PDZD2: variants seen among roughly 807,000 people sequenced by gnomAD.
The protein encoded by PDZD2 is PDZ domain-containing protein 2.
A neutral mutation model predicts 220.7 loss-of-function variants in PDZD2; 90 were observed. That is an observed-to-expected ratio of 0.41 (90% CI 0.34 to 0.49). PDZD2 has a LOEUF of 0.49. Among genes scored for constraint, PDZD2 ranks in the 20% least tolerant of loss-of-function variants. The probability of loss-of-function intolerance (pLI) is 0.28; values close to 1 mark genes in which losing one functional copy is unlikely to be tolerated. For missense variants in PDZD2, 3,174 were observed against 3,608.5 expected (o/e 0.88, Z 3.08); for synonymous variants, 1,375 against 1,450.5 (o/e 0.95, Z 1.18).
chr5:31,908,509 TC>T, intron 2 of PDZD2: 1 of 1,062,744 alleles, frequency 9.4e-7, no homozygotes, highest in Non-Finnish European at 1.4e-6. Context: ...TGGAAATGCC[TC>T]CGCTGAAGGC....
intron 2 of PDZD2, among the ~76,000 whole-genome samples, chr5:31,946,377 A>G (rs1207474307): frequency 6.6e-6 from 1 of 152,154 alleles, no homozygotes; most frequent in Non-Finnish European, 1.5e-5. Context: ...CCCAAAATCT[A>G]TTGTGTGAAC....
At chr5:31,725,796 A>G (rs1445710809) in intron 1 of PDZD2, 4 of 951,378 alleles carry the variant, frequency 4.2e-6, no homozygotes, top group Non-Finnish European at 1.7e-6. Flanking sequence ...TTGGATTTAG[A>G]TCTTGAAAAA....
At chr5:32,096,952 C>A (rs1743772371) in intron 21 of PDZD2, among the ~76,000 whole-genome samples, 1 of 151,452 alleles carries the variant, frequency 6.6e-6, no homozygotes, top group Admixed American at 6.6e-5. Flanking sequence ...CCTCCCACCT[C>A]AGCCTCTTGA....
In PDZD2 at chr5:32,071,923, A is replaced by G. The variant is rs577208428; in HGVS notation, c.2569-238A>G. Among the ~76,000 whole-genome samples, 27 of 152,322 alleles carry G rather than the reference A, an allele frequency of 1.8e-4. No homozygotes were observed. The East Asian group carries it at 4.8e-3, about 27-fold the overall frequency. ...GCTGTGGCTTTTCCGATCATTGCCA[A>G]AAATTTAGCCAAAAACAAAAAGTCT... On this transcript the variant is annotated intron_variant, in intron 16 of 24. Coordinates refer to ENST00000438447, the MANE Select transcript of PDZD2 (RefSeq NM_178140.4).
At chr5:31,879,105 G>T (rs1189456356) in intron 2 of PDZD2, among the ~76,000 whole-genome samples, 1 of 150,960 alleles carries the variant, frequency 6.6e-6, no homozygotes, top group East Asian at 2.0e-4. Flanking sequence ...GACGTTTCTC[G>T]GGCCGGGCAC....
chr5:31,719,487 C>T (rs1394386460), intron 1 of PDZD2, among the ~76,000 whole-genome samples: 2 of 152,170 alleles, frequency 1.3e-5, no homozygotes, highest in African/African-American at 4.8e-5. Flanking sequence ...TTCTGAGTGA[C>T]AGCTTGAAAC....
intron 1 of PDZD2, among the ~76,000 whole-genome samples, chr5:31,716,776 C>G (rs965387224): frequency 1.3e-5 from 2 of 152,110 alleles, no homozygotes; most frequent in Non-Finnish European, 2.9e-5. Flanking sequence ...GCACTCCAGG[C>G]TGGGTGACAG....
intron 2 of PDZD2, among the ~76,000 whole-genome samples, chr5:31,882,065 T>C (rs545421967): frequency 1.3e-5 from 2 of 152,326 alleles, no homozygotes; most frequent in East Asian, 3.9e-4. Flanking sequence ...CATCCCGTTA[T>C]TCTGGGTGTG....
chr5:31,799,551 G>A lies in PDZD2; in HGVS notation c.303G>A (p.Arg101=), dbSNP rs570880377. The A allele has an allele frequency of 2.2e-5, 35 of 1,614,006 alleles. 2 individuals are homozygous for A. In the South Asian group the frequency reaches 3.3e-4, roughly 15 times the overall value. Residue 101 remains arginine (R), a synonymous_variant, in exon 2 of 25, where the codon AGG becomes AGA. Transcript: ENST00000438447. ...TCGGGGACTATGGTGAAAAGCGCAGGGGGGGCAAGAAGAGGAAAACCCACC... is the reference window on the plus strand; with the variant it reads ...TCGGGGACTATGGTGAAAAGCGCAGAGGGGGCAAGAAGAGGAAAACCCACC... ...PVFGDYGEKR[R]GGKKRKTHQG... is the part of the protein sequence containing the mutation.
intron 6 of PDZD2, among the ~76,000 whole-genome samples, chr5:32,019,057 T>G (rs554640243): frequency 6.6e-6 from 1 of 151,894 alleles, no homozygotes; most frequent in South Asian, 2.1e-4. Flanking sequence ...CTGTTCCAAC[T>G]GGCTACCTGG....
At chr5:32,061,651 A>G (rs1328034795) in intron 14 of PDZD2, among the ~76,000 whole-genome samples, 2 of 152,206 alleles carry the variant, frequency 1.3e-5, no homozygotes, top group Admixed American at 1.3e-4. Flanking sequence ...GATGACTCAC[A>G]CTGGTAATCC....
intron 1 of PDZD2, among the ~76,000 whole-genome samples, chr5:31,647,913 C>G (rs762191367): frequency 1.3e-5 from 2 of 152,158 alleles, no homozygotes; most frequent in Non-Finnish European, 2.9e-5. Context: ...ACACAGCAGC[C>G]TGGCTCTAGA....
At chr5:32,047,182 G>A (rs1738052057) in intron 7 of PDZD2, among the ~76,000 whole-genome samples, 1 of 152,238 alleles carries the variant, frequency 6.6e-6, no homozygotes, top group African/African-American at 2.4e-5. Context: ...GCCAATGAAT[G>A]TATGAAAAGA....
intron 24 of PDZD2, among the ~76,000 whole-genome samples, chr5:32,102,447 C>T (rs917741730): frequency 2.0e-5 from 3 of 151,514 alleles, no homozygotes; most frequent in African/African-American, 7.3e-5. Context: ...AGGCTGCCTG[C>T]TCCCAACGCC....
intron 2 of PDZD2, among the ~76,000 whole-genome samples, chr5:31,970,541 A>T (rs1749206221): frequency 6.6e-6 from 1 of 152,006 alleles, no homozygotes; most frequent in Non-Finnish European, 1.5e-5. Context: ...CTATAATCCC[A>T]GCTACTCCAA....
chr5:31,709,668 C>G (rs972598648), intron 1 of PDZD2, among the ~76,000 whole-genome samples: 2 of 152,052 alleles, frequency 1.3e-5, no homozygotes, highest in African/African-American at 4.8e-5. Context: ...GCCATTAAGT[C>G]ATGTCGGCTG....
intron 5 of PDZD2, among the ~76,000 whole-genome samples, chr5:32,005,294 T>C (rs927326839): frequency 3.3e-5 from 5 of 152,230 alleles, no homozygotes; most frequent in Non-Finnish European, 5.9e-5. Flanking sequence ...ATACAGCAGT[T>C]ACTTTCTTGT....
At chr5:32,018,738 A>G (rs548639523) in intron 6 of PDZD2, among the ~76,000 whole-genome samples, 14 of 152,346 alleles carry the variant, frequency 9.2e-5, no homozygotes, top group African/African-American at 3.4e-4. Flanking sequence ...AGTAGGTCTC[A>G]GTTCACTTAG....
chr5:31,823,588 G>A (rs924550963), intron 2 of PDZD2, among the ~76,000 whole-genome samples: 2 of 152,160 alleles, frequency 1.3e-5, no homozygotes, highest in African/African-American at 4.8e-5. Flanking sequence ...AACTGCAGAT[G>A]GAGAAGTGCA....
Sources: allele counts gnomAD v4.1 joint callset (sites outside exome capture counted in the v4.1 genomes callset), GRCh38; gene constraint gnomAD v4.1.1; transcripts MANE v1.5; gene names NCBI Gene and HGNC (gene_info 2026-07-23, HGNC 2026-07-21).